The following AGBL4 variants were observed in gnomAD, a reference collection of about 807,000 sequenced individuals.
AGBL4 encodes AGBL carboxypeptidase 4.
AGBL4 carries 58 observed loss-of-function variants against 66.4 expected under a neutral mutation model. The ratio of observed to expected loss-of-function variants is 0.87; its 90% CI spans 0.71 to 1.09. The LOEUF is 1.09. AGBL4 is among the 50% of genes least tolerant of loss of function. AGBL4 has a pLI of 0.00. For synonymous variants in AGBL4, 234 were observed against 222.9 expected (o/e 1.05, Z -0.44); for missense variants, 579 against 631.0 (o/e 0.92, Z 0.88).
At chr1:49,361,525 C>T (rs1453977215) in intron 3 of AGBL4, among the ~76,000 whole-genome samples, 6 of 152,072 alleles carry the variant, frequency 3.9e-5, no homozygotes, top group African/African-American at 1.4e-4. Flanking sequence ...AGAGTTTCAC[C>T]ATGTTGTCCA....
chr1:49,425,467 T>C (rs1038704794), intron 3 of AGBL4, among the ~76,000 whole-genome samples: 11 of 152,226 alleles, frequency 7.2e-5, no homozygotes, highest in African/African-American at 2.4e-4. Context: ...ATTTATAGCA[T>C]TTAAAATACT....
intron 11 of AGBL4, among the ~76,000 whole-genome samples, chr1:48,547,950 G>A (rs1476211451): frequency 2.0e-5 from 3 of 152,068 alleles, no homozygotes; most frequent in Non-Finnish European, 4.4e-5. Context: ...CAGTTAACAT[G>A]GTACATTGAA....
At chr1:48,628,368 A>T (rs547729015) in intron 9 of AGBL4, among the ~76,000 whole-genome samples, 6 of 151,814 alleles carry the variant, frequency 4.0e-5, no homozygotes, top group Admixed American at 1.3e-4. Context: ...TCCATGGACT[A>T]CTCTGATTTT....
intron 3 of AGBL4, among the ~76,000 whole-genome samples, chr1:49,553,800 C>A (rs1653167753): frequency 6.6e-6 from 1 of 151,938 alleles, no homozygotes; most frequent in Non-Finnish European, 1.5e-5. Context: ...CTTTTAAACA[C>A]TTCTACATTA....
intron 5 of AGBL4, among the ~76,000 whole-genome samples, chr1:48,947,982 C>G (rs1656663083): frequency 1.3e-5 from 2 of 151,876 alleles, no homozygotes; most frequent in African/African-American, 4.8e-5. Context: ...GCTCCACCTC[C>G]CAGGTAATAC....
intron 1 of AGBL4, among the ~76,000 whole-genome samples, chr1:49,870,714 G>C (rs958784992): frequency 1.4e-4 from 21 of 151,970 alleles, no homozygotes; most frequent in Admixed American, 4.6e-4. Context: ...TATACAAATA[G>C]TTGCTAAGCA....
At chr1:48,886,743 G>A (rs1303654412) in intron 5 of AGBL4, among the ~76,000 whole-genome samples, 1 of 151,976 alleles carries the variant, frequency 6.6e-6, no homozygotes, top group African/African-American at 2.4e-5. Context: ...TAGTAGAGAG[G>A]AGTTTCACCA....
intron 1 of AGBL4, among the ~76,000 whole-genome samples, chr1:49,911,296 T>C (rs1231442295): frequency 6.6e-6 from 1 of 152,210 alleles, no homozygotes; most frequent in South Asian, 2.1e-4. Context: ...TTTCTGTGAT[T>C]GTTGAGAGGA....
At chr1:49,579,645 G>A (rs1233705039) in intron 3 of AGBL4, among the ~76,000 whole-genome samples, 1 of 152,002 alleles carries the variant, frequency 6.6e-6, no homozygotes, top group East Asian at 1.9e-4. Context: ...GACTACAGGC[G>A]CCTGTCACCG....
chr1:48,649,994 C>T (rs902403288), intron 8 of AGBL4, among the ~76,000 whole-genome samples: 4 of 152,214 alleles, frequency 2.6e-5, no homozygotes, highest in Non-Finnish European at 5.9e-5. Flanking sequence ...TGACCTGACA[C>T]CCAAGTCCAT....
intron 3 of AGBL4, among the ~76,000 whole-genome samples, chr1:49,307,719 G>A (rs1028305705): frequency 6.6e-5 from 10 of 152,006 alleles, no homozygotes; most frequent in African/African-American, 2.4e-4. Flanking sequence ...TCTGTTTGCA[G>A]GAGACACAAT....
chr1:49,724,499 T>C (rs1182161062), intron 2 of AGBL4, among the ~76,000 whole-genome samples: 1 of 152,176 alleles, frequency 6.6e-6, no homozygotes, highest in Non-Finnish European at 1.5e-5. Flanking sequence ...ATGAGTGTTA[T>C]AAAGGAGATG....
chr1:49,399,392 T>C lies in AGBL4; in HGVS notation c.283-153528A>G, dbSNP rs552814481. On this transcript the variant is annotated intron_variant, in intron 3 of 13. Coordinates refer to ENST00000371839, the MANE Select transcript of AGBL4 (RefSeq NM_032785.4). ...AGGTTGCTGGATCGTATGATAACTA[T>C]ATTTTTTGTTTTTGGAGAAACCTCC... is the stretch of plus-strand genomic sequence containing the variant. Among the ~76,000 whole-genome samples the C allele has an allele frequency of 2.8e-4, 42 of 152,296 alleles. 2 individuals are homozygous for C. In the South Asian group the frequency reaches 8.1e-3, roughly 29 times the overall value.
intron 3 of AGBL4, among the ~76,000 whole-genome samples, chr1:49,288,402 A>C (rs1463496446): frequency 6.6e-6 from 1 of 151,878 alleles, no homozygotes; most frequent in Admixed American, 6.6e-5. Flanking sequence ...GCCAAAATTT[A>C]AGTTAATTCT....
At chr1:49,443,612 C>T (rs938262125) in intron 3 of AGBL4, among the ~76,000 whole-genome samples, 4 of 151,786 alleles carry the variant, frequency 2.6e-5, no homozygotes, top group Non-Finnish European at 5.9e-5. Context: ...AATTCTGTTC[C>T]ATTGATCTAT....
intron 3 of AGBL4, among the ~76,000 whole-genome samples, chr1:49,632,132 C>T (rs1274678317): frequency 6.6e-6 from 1 of 152,046 alleles, no homozygotes; most frequent in Non-Finnish European, 1.5e-5. Flanking sequence ...AGAAAATGAA[C>T]CTAAATAGAA....
intron 6 of AGBL4, among the ~76,000 whole-genome samples, chr1:48,702,816 C>T (rs180848411): frequency 2.0e-4 from 30 of 152,260 alleles, no homozygotes; most frequent in Admixed American, 7.2e-4. Flanking sequence ...CATTTGATTC[C>T]GTAGTCAGAA....
At chr1:49,281,610 C>T (rs1644273629) in intron 3 of AGBL4, among the ~76,000 whole-genome samples, 1 of 152,166 alleles carries the variant, frequency 6.6e-6, no homozygotes, top group Non-Finnish European at 1.5e-5. Context: ...TGTGGCAACA[C>T]GATACTGTGA....
chr1:48,617,965 G>A (rs1056969569), intron 9 of AGBL4, among the ~76,000 whole-genome samples: 3 of 152,120 alleles, frequency 2.0e-5, no homozygotes, highest in Non-Finnish European at 4.4e-5. Flanking sequence ...TTATCAGTGG[G>A]TGTGCTCACC....
Sources: gnomAD v4.1 joint callset for allele counts (sites outside exome capture counted in the v4.1 genomes callset) on GRCh38, gnomAD v4.1.1 for gene constraint, MANE v1.5 for transcripts, NCBI Gene and HGNC (gene_info 2026-07-23, HGNC 2026-07-21) for gene names.